LRRTM4: variants seen among roughly 807,000 people sequenced by gnomAD.
LRRTM4 encodes leucine-rich repeat transmembrane neuronal protein 4.
A neutral mutation model predicts 47.6 loss-of-function variants in LRRTM4; 25 were observed. The observed-to-expected ratio is 0.53, with a 90% CI of 0.38 to 0.73. The LOEUF is 0.73. Among genes scored for constraint, LRRTM4 ranks in the 30% least tolerant of loss-of-function variants. The pLI is 0.00. For synonymous variants in LRRTM4, 311 were observed against 269.5 expected, an observed-to-expected ratio of 1.15 and a Z score of -1.51; for missense variants, 638 against 713.4, an observed-to-expected ratio of 0.89 and a Z score of 1.20.
intron 3 of LRRTM4, among the ~76,000 whole-genome samples, chr2:77,034,108 T>C (rs7605761): frequency 0.039 from 5,925 of 151,710 alleles, 339 homozygotes; most frequent in African/African-American, 0.13. Flanking sequence ...AAATAGCATA[T>C]AATAAGATTT....
chr2:76,792,157 A>G (rs186634899), intron 3 of LRRTM4, among the ~76,000 whole-genome samples: 15 of 152,334 alleles, frequency 9.8e-5, no homozygotes, highest in African/African-American at 3.6e-4. Flanking sequence ...CAGAGTAAGA[A>G]AAGACGATCA....
rs369935899 is a variant in LRRTM4 at position 77,519,224 on chromosome 2, G to A, written c.645C>T (p.Asn215=). 1 of 1,613,352 alleles carries A rather than the reference G, an allele frequency of 6.2e-7. No individual in the cohort carries two copies. The highest frequency in any genetic ancestry group is 1.7e-5 in the Admixed American group (1 of 59,874). Residue 215 remains asparagine (N), a synonymous_variant, in exon 3 of 4, where the codon AAC becomes AAT. Coordinates refer to ENST00000409884, the MANE Select transcript of LRRTM4 (RefSeq NM_001134745.3). This position sits in a 1 kb window ranked among gnomAD's most constrained non-coding sequence, Gnocchi z 4.6. ...LKLKELHLEH[N]QFSKINFAHF... is the part of the protein sequence containing the mutation. The stretch of plus-strand genomic sequence containing the variant: ...GAGCAAAGTTGATCTTGGAAAACTG[G>A]TTGTGCTCCAGGTGGAGCTCCTTTA...
intron 3 of LRRTM4, among the ~76,000 whole-genome samples, chr2:77,033,601 T>A (rs1444669908): frequency 6.6e-6 from 1 of 151,938 alleles, no homozygotes; most frequent in Non-Finnish European, 1.5e-5. Flanking sequence ...TTCAAATGTC[T>A]CTCCTTGGGG....
chr2:77,417,896 A>G (rs1043414233), intron 3 of LRRTM4, among the ~76,000 whole-genome samples: 1 of 152,136 alleles, frequency 6.6e-6, no homozygotes, highest in Non-Finnish European at 1.5e-5. Flanking sequence ...ATGTACCCTA[A>G]AACTTAAAGT....
At chr2:76,829,916 A>T (rs1470315425) in intron 3 of LRRTM4, among the ~76,000 whole-genome samples, 1 of 152,046 alleles carries the variant, frequency 6.6e-6, no homozygotes, top group African/African-American at 2.4e-5. Context: ...GTGAAGAAAC[A>T]TGCATGGACA....
chr2:76,915,457 TAC>T (rs1308189001), intron 3 of LRRTM4, among the ~76,000 whole-genome samples: 1 of 152,232 alleles, frequency 6.6e-6, no homozygotes, highest in African/African-American at 2.4e-5. Flanking sequence ...CATCTCAGGT[TAC>T]AGTGACATGG....
At chr2:77,241,220 A>G (rs1281301985) in intron 3 of LRRTM4, among the ~76,000 whole-genome samples, 2 of 110,654 alleles carry the variant, frequency 1.8e-5, no homozygotes, top group African/African-American at 6.2e-5. Flanking sequence ...ACACACACAC[A>G]CACACACACA....
At chr2:77,195,870 G>T (rs1419477416) in intron 3 of LRRTM4, among the ~76,000 whole-genome samples, 2 of 152,102 alleles carry the variant, frequency 1.3e-5, no homozygotes, top group Non-Finnish European at 2.9e-5. Context: ...ACAAGGGTGT[G>T]TGGTCACTGT....
intron 3 of LRRTM4, among the ~76,000 whole-genome samples, chr2:77,323,750 T>C (rs1670646114): frequency 6.6e-6 from 1 of 152,146 alleles, no homozygotes; most frequent in South Asian, 2.1e-4. Context: ...ATAAATTTCA[T>C]ACATTTGAAC....
intron 3 of LRRTM4, among the ~76,000 whole-genome samples, chr2:76,873,353 C>T (rs2104064244): frequency 6.6e-6 from 1 of 151,640 alleles, no homozygotes; most frequent in Non-Finnish European, 1.5e-5. Context: ...TTTCCAATCA[C>T]CTAGTCAGTC....
At chr2:76,802,930 T>C (rs1346553372) in intron 3 of LRRTM4, among the ~76,000 whole-genome samples, 1 of 152,134 alleles carries the variant, frequency 6.6e-6, no homozygotes, top group Non-Finnish European at 1.5e-5. Context: ...TCTTTTCTTA[T>C]ACCATACCCA....
At chr2:76,870,829 A>C (rs1273305728) in intron 3 of LRRTM4, among the ~76,000 whole-genome samples, 2 of 152,236 alleles carry the variant, frequency 1.3e-5, no homozygotes, top group Non-Finnish European at 2.9e-5. Context: ...ATCACTGTAC[A>C]CAAGGCTCAC....
chr2:77,463,108 C>G (rs754228279), intron 3 of LRRTM4, among the ~76,000 whole-genome samples: 14 of 151,968 alleles, frequency 9.2e-5, no homozygotes, highest in South Asian at 8.3e-4. Flanking sequence ...GAGTGACTTA[C>G]AAAAACCTAG....
At chr2:76,976,708 A>G (rs1332649143) in intron 3 of LRRTM4, among the ~76,000 whole-genome samples, 2 of 151,832 alleles carry the variant, frequency 1.3e-5, no homozygotes, top group South Asian at 2.1e-4. Flanking sequence ...TATCCGTGGA[A>G]AAAGGTTGGT....
intron 3 of LRRTM4, among the ~76,000 whole-genome samples, chr2:76,885,948 A>G (rs911564307): frequency 4.6e-5 from 7 of 152,190 alleles, no homozygotes; most frequent in African/African-American, 1.7e-4. Context: ...TTGGAAGAAT[A>G]AATCTGACAA....
intron 3 of LRRTM4, among the ~76,000 whole-genome samples, chr2:77,508,243 A>G (rs1678852832): frequency 6.6e-6 from 1 of 152,108 alleles, no homozygotes; most frequent in Non-Finnish European, 1.5e-5. Context: ...GTATTGGGGA[A>G]TGTGAAGTAA....
At chr2:77,284,350 A>G (rs1676592640) in intron 3 of LRRTM4, among the ~76,000 whole-genome samples, 1 of 152,134 alleles carries the variant, frequency 6.6e-6, no homozygotes, top group Non-Finnish European at 1.5e-5. Context: ...CATTCTATTA[A>G]TAGAAGCCCA....
intron 3 of LRRTM4, among the ~76,000 whole-genome samples, chr2:77,443,548 T>C (rs1359828597): frequency 6.6e-6 from 1 of 152,190 alleles, no homozygotes; most frequent in Non-Finnish European, 1.5e-5. Flanking sequence ...GTTTTATTGC[T>C]TTTATCAATG....
chr2:76,760,731 C>CA (rs555584116), intron 3 of LRRTM4, among the ~76,000 whole-genome samples: 18 of 151,560 alleles, frequency 1.2e-4, no homozygotes, highest in East Asian at 7.8e-4. Flanking sequence ...TAGCGTTTTG[C>CA]AAAAAAAATC....
Sources: gnomAD v4.1 joint callset for allele counts (sites outside exome capture counted in the v4.1 genomes callset) on GRCh38, gnomAD v4.1.1 for gene constraint, Gnocchi (gnomAD v3.1) non-coding constraint, MANE v1.5 for transcripts, NCBI Gene and HGNC (gene_info 2026-07-23, HGNC 2026-07-21) for gene names.